The following THSD7A variants were observed in gnomAD, a reference collection of about 807,000 sequenced individuals.
The protein encoded by THSD7A is thrombospondin type 1 domain containing 7A.
A neutral mutation model predicts 231.3 loss-of-function variants in THSD7A; 96 were observed. The ratio of observed to expected loss-of-function variants is 0.41; its 90% CI spans 0.35 to 0.49. The LOEUF (loss-of-function observed/expected upper bound fraction) is 0.49, where lower values mean the gene tolerates loss of function less well. Ranked by LOEUF, THSD7A falls within the 20% of genes least tolerant of loss-of-function variation. The probability of loss-of-function intolerance (pLI) is 0.05; values close to 1 mark genes in which losing one functional copy is unlikely to be tolerated. For missense variants in THSD7A, 2,290 were observed against 2,070.2 expected (o/e 1.11, Z -2.06); for synonymous variants, 940 against 743.3 (o/e 1.26, Z -4.30).
chr7:11,588,844 A>C (rs1450303290), intron 4 of THSD7A, among the ~76,000 whole-genome samples: 1 of 152,208 alleles, frequency 6.6e-6, no homozygotes, highest in Non-Finnish European at 1.5e-5. Flanking sequence ...TTAATGTCCT[A>C]ACATTACATG....
At chr7:11,463,582 C>T (rs1026116955) in intron 9 of THSD7A, among the ~76,000 whole-genome samples, 3 of 152,024 alleles carry the variant, frequency 2.0e-5, no homozygotes, top group African/African-American at 4.8e-5. Flanking sequence ...TTATTATTCC[C>T]GTTGTGGGGT....
At chr7:11,818,564 C>T (rs993406409) in intron 1 of THSD7A, among the ~76,000 whole-genome samples, 1 of 152,204 alleles carries the variant, frequency 6.6e-6, no homozygotes, top group African/African-American at 2.4e-5. Flanking sequence ...TGGACCTTCA[C>T]TGTTTCCCAG....
intron 2 of THSD7A, among the ~76,000 whole-genome samples, chr7:11,623,008 G>T (rs1489032267): frequency 6.6e-6 from 1 of 152,092 alleles, no homozygotes; most frequent in Non-Finnish European, 1.5e-5. Context: ...TACACTCAAA[G>T]AAAAAGTAAT....
In THSD7A at chr7:11,412,900, A is replaced by C. The variant is rs530099396; in HGVS notation, c.3538-100T>G. ...GAGCAGGAGTTAGAACATTTGGGCC[A>C]CTGGCTAACTCAGAAAAGTCAGTCA... On this transcript the variant is annotated intron_variant, in intron 17 of 27. Transcript: ENST00000423059. 1.1e-4 allele frequency: 154 copies of C among 1,355,302 alleles called. No individual in the cohort carries two copies. In the African/African-American group the frequency reaches 1.9e-3, roughly 17 times the overall value. The allele number at this position is 1,355,302 out of a possible 1,614,324, so 84.0% of individuals were successfully genotyped here. A position where few individuals can be genotyped will look rare whatever the true frequency, so the allele number is the denominator to read the frequency against.
At chr7:11,484,561 C>A (rs1045520925) in intron 6 of THSD7A, among the ~76,000 whole-genome samples, 1 of 152,142 alleles carries the variant, frequency 6.6e-6, no homozygotes, top group African/African-American at 2.4e-5. Flanking sequence ...TATTGTCTGA[C>A]TATCACTAGA....
At position 11,609,979 on chromosome 7, in the gene THSD7A, A is replaced by G. The variant is rs778650872; in HGVS notation, c.1023-16477T>C. Among the ~76,000 whole-genome samples, 8 of 152,244 alleles carry G rather than the reference A, an allele frequency of 5.3e-5. No homozygotes were observed. In the East Asian group the frequency reaches 5.8e-4, roughly 11 times the overall value. On this transcript the variant is annotated intron_variant, in intron 2 of 27. Coordinates refer to ENST00000423059, the MANE Select transcript of THSD7A (RefSeq NM_015204.3). Reference sequence around the variant, plus strand: ...AGGGAGAGAAGCATTTCCATTTTCCATTTTATAACATGGTTGTGAAAATTA... The same window carrying G: ...AGGGAGAGAAGCATTTCCATTTTCCGTTTTATAACATGGTTGTGAAAATTA...
chr7:11,444,874 A>G lies in THSD7A; in HGVS notation c.3064+1187T>C, dbSNP rs1302846004. Among the ~76,000 whole-genome samples the G allele has an allele frequency of 2.0e-5, 3 of 147,760 alleles. No individual in the cohort carries two copies. Among genetic ancestry groups the G allele is most frequent in the Non-Finnish European group, 4.5e-5 (3 of 67,146 alleles). On this transcript the variant is annotated intron_variant, in intron 13 of 27. Transcript: ENST00000423059. The surrounding 1 kb of genome is among the most constrained non-coding windows in gnomAD (Gnocchi z 4.2). ...TATATATATAAAACTATCATTATAT[A>G]TAACTATTTTATATATATATAAAAT...
chr7:11,535,418 C>G (rs1788874405), intron 6 of THSD7A, among the ~76,000 whole-genome samples: 1 of 151,990 alleles, frequency 6.6e-6, no homozygotes, highest in Non-Finnish European at 1.5e-5. Context: ...CACACCAACA[C>G]TGAAGGAAAA....
At chr7:11,688,578 A>G (rs1780135519) in intron 1 of THSD7A, among the ~76,000 whole-genome samples, 1 of 151,838 alleles carries the variant, frequency 6.6e-6, no homozygotes. Flanking sequence ...TGAGAGAGAG[A>G]TTTAAATAGA....
chr7:11,684,712 G>A (rs956691741), intron 1 of THSD7A, among the ~76,000 whole-genome samples: 5 of 151,662 alleles, frequency 3.3e-5, no homozygotes, highest in East Asian at 2.0e-4. Context: ...TACCAAACAC[G>A]GCTGAAACAA....
At chr7:11,451,743 A>C (rs1205428970) in intron 11 of THSD7A, among the ~76,000 whole-genome samples, 1 of 152,076 alleles carries the variant, frequency 6.6e-6, no homozygotes, top group African/African-American at 2.4e-5. Context: ...TGTGTTATGC[A>C]TACATGGATG....
chr7:11,397,399 C>T (rs1048752152), intron 23 of THSD7A, among the ~76,000 whole-genome samples: 1 of 152,126 alleles, frequency 6.6e-6, no homozygotes, highest in African/African-American at 2.4e-5. Context: ...ACACCTTATA[C>T]AGAAATTCAC....
chr7:11,528,925 T>C (rs539762309), intron 6 of THSD7A, among the ~76,000 whole-genome samples: 34 of 152,176 alleles, frequency 2.2e-4, no homozygotes, highest in Non-Finnish European at 4.4e-4. Context: ...TAAAGATTAC[T>C]ACAGCTTTCT....
At chr7:11,596,609 G>T (rs1393423802) in intron 2 of THSD7A, among the ~76,000 whole-genome samples, 1 of 152,226 alleles carries the variant, frequency 6.6e-6, no homozygotes, top group East Asian at 1.9e-4. Flanking sequence ...AAACAATATC[G>T]CATAGCTGGA....
At chr7:11,528,190 A>G (rs1229393195) in intron 6 of THSD7A, among the ~76,000 whole-genome samples, 4 of 151,994 alleles carry the variant, frequency 2.6e-5, no homozygotes, top group Non-Finnish European at 5.9e-5. Flanking sequence ...AAATGTAGAA[A>G]ACAACACGTG....
chr7:11,760,851 A>G (rs1282131543), intron 1 of THSD7A, among the ~76,000 whole-genome samples: 2 of 151,580 alleles, frequency 1.3e-5, no homozygotes, highest in African/African-American at 4.8e-5. Context: ...GCTTTTAAGA[A>G]CATTTTAAAA....
At chr7:11,669,382 C>G (rs1051266303) in intron 1 of THSD7A, among the ~76,000 whole-genome samples, 6 of 151,802 alleles carry the variant, frequency 4.0e-5, no homozygotes, top group Non-Finnish European at 5.9e-5. Flanking sequence ...ACACCATGTG[C>G]TAGAGAAACA....
At chr7:11,417,046 AGGTACTG>A (rs897072055) in intron 17 of THSD7A, among the ~76,000 whole-genome samples, 7 of 152,208 alleles carry the variant, frequency 4.6e-5, no homozygotes, top group African/African-American at 1.7e-4. Flanking sequence ...TTTAAATAAA[AGGTACTG>A]GGCAAAAAGC....
intron 16 of THSD7A, among the ~76,000 whole-genome samples, chr7:11,420,573 A>G (rs1201490289): frequency 6.6e-6 from 1 of 152,184 alleles, no homozygotes; most frequent in Non-Finnish European, 1.5e-5. Flanking sequence ...TGGAGCTTTC[A>G]GTACTAGGGC....
Sources: allele counts gnomAD v4.1 joint callset (sites outside exome capture counted in the v4.1 genomes callset), GRCh38; gene constraint gnomAD v4.1.1; non-coding constraint Gnocchi (gnomAD v3.1); transcripts MANE v1.5; gene names NCBI Gene and HGNC (gene_info 2026-07-23, HGNC 2026-07-21).